IGF2BP3: variants seen among roughly 807,000 people sequenced by gnomAD.
IGF2BP3 encodes the protein insulin-like growth factor 2 mRNA-binding protein 3.
In IGF2BP3, 9 loss-of-function variants were observed where a neutral mutation model predicts 73.8. The observed-to-expected ratio is 0.12, with a 90% CI of 0.07 to 0.21. IGF2BP3 has a LOEUF of 0.21. Among genes scored for constraint, IGF2BP3 ranks in the 10% least tolerant of loss-of-function variants. IGF2BP3 has a pLI of 1.00. For missense variants in IGF2BP3, 542 were observed against 714.0 expected (o/e 0.76, Z 2.75); for synonymous variants, 258 against 256.7 (o/e 1.01, Z -0.05).
chr7:23,464,107 A>G (rs902867360), intron 2 of IGF2BP3, among the ~76,000 whole-genome samples: 2 of 152,144 alleles, frequency 1.3e-5, no homozygotes, highest in East Asian at 3.9e-4. Flanking sequence ...CTGTCCTAAG[A>G]CTTTGAAGTC....
chr7:23,398,850 T>A (rs916651321), intron 3 of IGF2BP3, among the ~76,000 whole-genome samples: 1 of 152,200 alleles, frequency 6.6e-6, no homozygotes, highest in South Asian at 2.1e-4. Context: ...TTTCTCCCAT[T>A]TTGTAGGTTG....
intron 2 of IGF2BP3, among the ~76,000 whole-genome samples, chr7:23,430,924 G>A (rs545788341): frequency 6.6e-6 from 1 of 152,268 alleles, no homozygotes; most frequent in African/African-American, 2.4e-5. Flanking sequence ...ACAATACACA[G>A]AATGAAATCT....
At chr7:23,374,299 G>A (rs1442876714) in intron 3 of IGF2BP3, among the ~76,000 whole-genome samples, 2 of 152,164 alleles carry the variant, frequency 1.3e-5, no homozygotes, top group Non-Finnish European at 2.9e-5. Flanking sequence ...CGGTATCTGT[G>A]AGGGATTGGT....
intron 2 of IGF2BP3, among the ~76,000 whole-genome samples, chr7:23,426,237 G>T (rs1402146902): frequency 6.8e-6 from 1 of 146,068 alleles, no homozygotes; most frequent in African/African-American, 2.5e-5. Flanking sequence ...TGAGGCAGGA[G>T]AATCGCTTGA....
At chr7:23,428,306 C>G (rs2128540456) in intron 2 of IGF2BP3, among the ~76,000 whole-genome samples, 1 of 151,612 alleles carries the variant, frequency 6.6e-6, no homozygotes, top group South Asian at 2.1e-4. Flanking sequence ...CCCATCTCTA[C>G]TAAAAAGTAC....
intron 3 of IGF2BP3, chr7:23,416,231 AT>A (rs1410840178): frequency 1.3e-5 from 2 of 152,234 alleles, no homozygotes; most frequent in African/African-American, 4.8e-5. Context: ...TGCAAAAAAA[AT>A]AAAAATAAAT....
intron 10 of IGF2BP3, among the ~76,000 whole-genome samples, chr7:23,335,326 AG>A (rs1362292130): frequency 1.3e-5 from 2 of 151,414 alleles, no homozygotes; most frequent in Non-Finnish European, 1.5e-5. Context: ...TCTGTCACCC[AG>A]GCTGGAGTGC....
chr7:23,357,232 AG>A (rs902455096), intron 5 of IGF2BP3, among the ~76,000 whole-genome samples: 3 of 152,098 alleles, frequency 2.0e-5, no homozygotes, highest in African/African-American at 7.2e-5. Context: ...TACCTTATAC[AG>A]ATCTTCACAA....
At chr7:23,467,562 A>G (rs1279499923) in intron 2 of IGF2BP3, among the ~76,000 whole-genome samples, 2 of 152,194 alleles carry the variant, frequency 1.3e-5, no homozygotes, top group Non-Finnish European at 2.9e-5. Context: ...TAGAGCCGGA[A>G]TCTATGGTGT....
intron 2 of IGF2BP3, among the ~76,000 whole-genome samples, chr7:23,452,902 A>G (rs1214286116): frequency 6.6e-6 from 1 of 152,038 alleles, no homozygotes; most frequent in Non-Finnish European, 1.5e-5. Flanking sequence ...TAACGAGGTC[A>G]GGAGATCGAG....
At position 23,323,829 on chromosome 7, in the gene IGF2BP3, A is replaced by C. The variant is rs531126458; in HGVS notation, c.1204-4575T>G. On this transcript the variant is annotated intron_variant, in intron 10 of 14. Transcript: ENST00000258729. Reference sequence around the variant, plus strand: ...CTGCTCCTGAATGACTACTGGGTACATAACGAAATTAAGGCAGAAATAAAG... The same window carrying C: ...CTGCTCCTGAATGACTACTGGGTACCTAACGAAATTAAGGCAGAAATAAAG... 2.2e-4 allele frequency among the ~76,000 whole-genome samples: 33 copies of C among 152,242 alleles called. 1 individual carries two copies. The East Asian group carries it at 4.2e-3, about 20-fold the overall frequency.
chr7:23,320,981 AAAG>A (rs1784128136), intron 10 of IGF2BP3, among the ~76,000 whole-genome samples: 1 of 151,910 alleles, frequency 6.6e-6, no homozygotes, highest in South Asian at 2.1e-4. Flanking sequence ...AAAAAACAAA[AAAG>A]AAAAGAAAGG....
intron 2 of IGF2BP3, among the ~76,000 whole-genome samples, chr7:23,423,391 C>G (rs567959440): frequency 6.6e-6 from 1 of 152,260 alleles, no homozygotes; most frequent in East Asian, 1.9e-4. Context: ...GGGTTTGATT[C>G]TAAATACTTA....
Position 23,445,676 on chromosome 7 carries a change from G to T in IGF2BP3, c.236+22806C>A, listed in dbSNP as rs78505898. Among the ~76,000 whole-genome samples, 10 of 152,222 alleles carry T rather than the reference G, an allele frequency of 6.6e-5. No homozygotes were observed. The East Asian group carries it at 1.9e-3, about 29-fold the overall frequency. The stretch of plus-strand genomic sequence containing the variant: ...ACAATGCTTTACCAATATTGTTATA[G>T]ATAGCACATCAAAATGCCAGAGACT... On this transcript the variant is annotated intron_variant, in intron 2 of 14. Coordinates refer to ENST00000258729, the MANE Select transcript of IGF2BP3 (RefSeq NM_006547.3).
intron 5 of IGF2BP3, among the ~76,000 whole-genome samples, chr7:23,351,927 A>C (rs1192516980): frequency 6.6e-6 from 1 of 152,242 alleles, no homozygotes; most frequent in Non-Finnish European, 1.5e-5. Flanking sequence ...CTAACGGTTT[A>C]GGAATAGCTA....
At chr7:23,375,512 C>T (rs936284102) in intron 3 of IGF2BP3, among the ~76,000 whole-genome samples, 1 of 152,154 alleles carries the variant, frequency 6.6e-6, no homozygotes, top group Admixed American at 6.5e-5. Context: ...GAAGCAAACA[C>T]CAGTTTTAGT....
intron 10 of IGF2BP3, among the ~76,000 whole-genome samples, chr7:23,321,379 G>GCACACCAGGAGATTATATCC (rs1755271454): frequency 1.3e-5 from 2 of 152,190 alleles, no homozygotes; most frequent in Admixed American, 6.5e-5. Context: ...TTAAAAAACG[G>GCACACCAGGAGATTATATCC]CACACCAGGA....
Position 23,439,172 on chromosome 7 carries a change from G to T in IGF2BP3, c.237-20348C>A, listed in dbSNP as rs753989160. On this transcript the variant is annotated intron_variant, in intron 2 of 14. Coordinates refer to ENST00000258729, the MANE Select transcript of IGF2BP3 (RefSeq NM_006547.3). ...GCAAAAGAATCCCTTAAGCCCAGGA[G>T]TTTGAGGCTGCAATGAGCTATGATA... 7.7e-4 allele frequency among the ~76,000 whole-genome samples: 117 copies of T among 152,200 alleles called. 1 individual carries two copies. The highest frequency in any genetic ancestry group is 6.8e-3 in the Middle Eastern group (2 of 294).
intron 3 of IGF2BP3, among the ~76,000 whole-genome samples, chr7:23,387,833 G>A (rs1223543277): frequency 6.6e-6 from 1 of 152,202 alleles, no homozygotes; most frequent in Admixed American, 6.6e-5. Context: ...CAAGGATGCA[G>A]AGCAATTTTA....
Sources: gnomAD v4.1 joint callset for allele counts (sites outside exome capture counted in the v4.1 genomes callset) on GRCh38, gnomAD v4.1.1 for gene constraint, MANE v1.5 for transcripts, NCBI Gene and HGNC (gene_info 2026-07-23, HGNC 2026-07-21) for gene names.